The following CHAF1B variants were observed in gnomAD, a reference collection of about 807,000 sequenced individuals.
CHAF1B encodes the protein CAF-1 subunit B.
CHAF1B carries 10 observed loss-of-function variants against 60.7 expected under a neutral mutation model. The ratio of observed to expected loss-of-function variants is 0.16; its 90% CI spans 0.10 to 0.28. CHAF1B has a LOEUF of 0.28. CHAF1B is among the 10% of genes least tolerant of loss of function. The probability of loss-of-function intolerance (pLI) is 1.00; values close to 1 mark genes in which losing one functional copy is unlikely to be tolerated. For missense variants in CHAF1B, 558 were observed against 708.4 expected (o/e 0.79, Z 2.41); for synonymous variants, 261 against 266.1 (o/e 0.98, Z 0.19).
intron 3 of CHAF1B, 87 bp from the exon 4 acceptor site, chr21:36,391,463 CA>C (rs376106303): frequency 0.19 from 95,959 of 505,946 alleles, 224 homozygotes; most frequent in South Asian, 0.23. Flanking sequence ...GACTCCGTCT[CA>C]AAAAAAAAAA....
intron 4 of CHAF1B, among the ~76,000 whole-genome samples, chr21:36,393,263 A>AT (rs548669812): frequency 0.031 from 4,683 of 151,980 alleles, 101 homozygotes; most frequent in Admixed American, 0.047. Flanking sequence ...GGATTTTTAA[A>AT]TTTCTGTGGA....
At chr21:36,415,955 C>T (rs1210157876) in intron 13 of CHAF1B, 3 of 326,420 alleles carry the variant, frequency 9.2e-6, no homozygotes, top group African/African-American at 4.4e-5. Context: ...GGTTTCACCA[C>T]GTTGGCCAGG....
chr21:36,390,103 G>A (rs2086074521), intron 3 of CHAF1B, among the ~76,000 whole-genome samples: 1 of 152,090 alleles, frequency 6.6e-6, no homozygotes, highest in African/African-American at 2.4e-5. Context: ...GGAGGCTGAG[G>A]TGGGCAGATC....
At chr21:36,411,850 T>C (rs1422448387) in intron 11 of CHAF1B, among the ~76,000 whole-genome samples, 1 of 152,134 alleles carries the variant, frequency 6.6e-6, no homozygotes, top group Non-Finnish European at 1.5e-5. Flanking sequence ...TGCCTCAGCT[T>C]CCCAAGTAGC....
At chr21:36,391,099 A>G (rs1281164632) in intron 3 of CHAF1B, among the ~76,000 whole-genome samples, 1 of 152,156 alleles carries the variant, frequency 6.6e-6, no homozygotes, top group African/African-American at 2.4e-5. Flanking sequence ...TTTATAGGTT[A>G]TGCCTTCAGA....
intron 8 of CHAF1B, among the ~76,000 whole-genome samples, chr21:36,406,638 ATG>A (rs2086240351): frequency 6.6e-6 from 1 of 152,006 alleles, no homozygotes; most frequent in African/African-American, 2.4e-5. Flanking sequence ...GTATGACATG[ATG>A]TTTTGAAGTA....
chr21:36,399,282 C>T lies in CHAF1B; in HGVS notation c.579-239C>T, dbSNP rs192903940. On this transcript the variant is annotated intron_variant, in intron 6 of 13. Coordinates refer to ENST00000314103, the MANE Select transcript of CHAF1B (RefSeq NM_005441.3). The stretch of plus-strand genomic sequence containing the variant: ...AACTCCTGACCTCAAGTGATTCACC[C>T]GCCTCTGCCTCCCAAAGTGTCGGGA... Among the ~76,000 whole-genome samples the T allele has an allele frequency of 1.9e-4, 29 of 151,976 alleles. 1 individual carries two copies. The South Asian group carries it at 5.4e-3, about 28-fold the overall frequency.
At chr21:36,407,663 G>A (rs944667853) in intron 8 of CHAF1B, among the ~76,000 whole-genome samples, 1 of 152,004 alleles carries the variant, frequency 6.6e-6, no homozygotes, top group Non-Finnish European at 1.5e-5. Context: ...GGATTTCTTG[G>A]GGATGGAAGA....
At chr21:36,411,718 C>T in intron 11 of CHAF1B, 114 bp downstream of exon 11, 1 of 1,233,152 alleles carries the variant, frequency 8.1e-7, no homozygotes, top group South Asian at 1.4e-5. Context: ...GGGACATATT[C>T]ACCAATTTTG....
chr21:36,413,351 T>C (rs2086293839), intron 12 of CHAF1B, 36 bp downstream of exon 12: 3 of 1,517,076 alleles, frequency 2.0e-6, no homozygotes, highest in Non-Finnish European at 2.6e-6. Flanking sequence ...CATTGCAAAA[T>C]GAAACACAAA....
At chr21:36,403,411 C>T (rs186626087) in intron 8 of CHAF1B, among the ~76,000 whole-genome samples, 3 of 124,740 alleles carry the variant, frequency 2.4e-5, no homozygotes, top group Non-Finnish European at 3.3e-5. Context: ...GAGCCGAGAT[C>T]ACACCACTGT....
chr21:36,408,864 A>T (rs1568818747), intron 9 of CHAF1B, 34 bp downstream of exon 9: 2 of 1,496,234 alleles, frequency 1.3e-6, no homozygotes, highest in South Asian at 1.1e-5. Flanking sequence ...AAATGTTTAC[A>T]TTTTTTTTAG....
intron 8 of CHAF1B, 34 bp downstream of exon 8, chr21:36,402,885 T>C: frequency 6.5e-7 from 1 of 1,527,796 alleles, no homozygotes; most frequent in Non-Finnish European, 9.1e-7. Flanking sequence ...AAAGGAATGA[T>C]GGCCGAGTGG....
intron 4 of CHAF1B, among the ~76,000 whole-genome samples, chr21:36,392,620 T>A (rs1374379433): frequency 6.7e-6 from 1 of 150,110 alleles, no homozygotes; most frequent in Non-Finnish European, 1.5e-5. Flanking sequence ...ACGGGGCGGC[T>A]GCTGGGCGGA....
intron 8 of CHAF1B, among the ~76,000 whole-genome samples, chr21:36,407,616 T>G (rs2086248232): frequency 6.6e-6 from 1 of 152,112 alleles, no homozygotes; most frequent in Admixed American, 6.6e-5. Context: ...ATGGAGGAAA[T>G]ATACAGATGA....
intron 10 of CHAF1B, among the ~76,000 whole-genome samples, chr21:36,410,511 A>G (rs192645203): frequency 8.6e-5 from 13 of 151,802 alleles, no homozygotes; most frequent in Admixed American, 6.6e-4. Flanking sequence ...GGAAGTCTCT[A>G]TAGCTGTGTT....
At chr21:36,409,497 T>G in intron 10 of CHAF1B, 32 bp downstream of exon 10, 1 of 1,542,662 alleles carries the variant, frequency 6.5e-7, no homozygotes, top group Middle Eastern at 1.7e-4. Flanking sequence ...TGTGTTATGT[T>G]TTCTCTCCGA....
intron 3 of CHAF1B, among the ~76,000 whole-genome samples, chr21:36,391,121 A>C (rs1172062833): frequency 6.6e-6 from 1 of 152,156 alleles, no homozygotes; most frequent in Non-Finnish European, 1.5e-5. Flanking sequence ...TTATTAATGT[A>C]GCCAGTCATT....
At chr21:36,397,368 GT>G (rs2086149360) in intron 5 of CHAF1B, 46 bp from the exon 6 acceptor site, 4 of 988,904 alleles carry the variant, frequency 4.0e-6, no homozygotes, top group Non-Finnish European at 4.5e-6. Context: ...GCTCAAACAG[GT>G]TTTGGTAATG....
Sources: gnomAD v4.1 joint callset for allele counts (sites outside exome capture counted in the v4.1 genomes callset) on GRCh38, gnomAD v4.1.1 for gene constraint, MANE v1.5 for transcripts, NCBI Gene and HGNC (gene_info 2026-07-23, HGNC 2026-07-21) for gene names.